Variants in SNRPB observed in about 807,000 individuals in gnomAD.
SNRPB encodes the protein small nuclear ribonucleoprotein polypeptides B and B1.
SNRPB carries 5 observed loss-of-function variants against 26.6 expected under a neutral mutation model. The ratio of observed to expected loss-of-function variants is 0.19; its 90% confidence interval spans 0.10 to 0.39. The LOEUF is 0.39. SNRPB is among the 10% of genes least tolerant of loss of function. The pLI is 1.00. For synonymous variants in SNRPB, 122 were observed against 105.8 expected (o/e 1.15, Z -0.94); for missense variants, 211 against 311.9 (o/e 0.68, Z 2.44).
intron 3 of SNRPB, among the ~76,000 whole-genome samples, chr20:2,464,888 A>C (rs999942756): frequency 1.3e-3 from 13 of 10,132 alleles, no homozygotes; most frequent in East Asian, 0.12. Flanking sequence ...AAAAAAAAAA[A>C]AAAAAAACCC....
rs770865345 is a variant in SNRPB at position 2,463,200 on chromosome 20, C to T, written c.448G>A (p.Val150Ile). 6.2e-7 allele frequency: 1 copy of T among 1,613,112 alleles called. No individual in the cohort carries two copies. Among genetic ancestry groups the T allele is most frequent in the African/African-American group, 1.3e-5 (1 of 74,930 alleles). Residue 150 changes from valine to isoleucine, a missense_variant, in exon 5 of 7, where the codon GTT (valine) becomes ATT (isoleucine). Coordinates refer to ENST00000381342, the MANE Select transcript of SNRPB (RefSeq NM_003091.4). The surrounding 1 kb of genome is among the most constrained non-coding windows in gnomAD (Gnocchi z 5.0). ...QVMTPQGRGT[V>I]AAAAAAATAS... ...GTGGCAGCAGCTGCAGCGGCTGCAA[C>T]AGTACCTCTTCCTTGTGGGGTCATC...
Position 2,463,892 on chromosome 20 carries a change from A to G in SNRPB, c.275T>C (p.Ile92Thr), listed in dbSNP as rs1271619352. 6.2e-7 allele frequency: 1 copy of G among 1,613,160 alleles called. No individual in the cohort carries two copies. The highest frequency in any genetic ancestry group is 8.5e-7 in the Non-Finnish European group (1 of 1,179,486). ...VEGPPPKDTG[I>T]ARVPLAGAAG... ...AGCTCCAGCAAGTGGAACTCGAGCA[A>G]TACCAGTCTGAAAAATAAACAAATA... The change falls in exon 4 of 7, where the codon ATT becomes ACT. Residue 92 changes from isoleucine (I) to threonine (T), a missense_variant. Transcript: ENST00000381342. This position sits in a 1 kb window ranked among gnomAD's most constrained non-coding sequence, Gnocchi z 5.0.
In SNRPB at chr20:2,463,463, C is replaced by A. The variant is rs1360269302; in HGVS notation, c.421-236G>T. Among the ~76,000 whole-genome samples the A allele has an allele frequency of 1.3e-5, 2 of 152,224 alleles. No homozygotes were observed. The highest frequency in any genetic ancestry group is 2.9e-5 in the Non-Finnish European group (2 of 68,030). ...CATGTCCAATCCAAGTGAGAGAAGG[C>A]AACTGCATTTTCAAATATGACTCAT... On this transcript the variant is annotated intron_variant, in intron 4 of 6. Coordinates refer to ENST00000381342, the MANE Select transcript of SNRPB (RefSeq NM_003091.4). This position sits in a 1 kb window ranked among gnomAD's most constrained non-coding sequence, Gnocchi z 5.0.
intron 6 of SNRPB, 46 bp downstream of exon 6, chr20:2,462,590 C>G (rs750101513): frequency 6.4e-7 from 1 of 1,566,812 alleles, no homozygotes; most frequent in Non-Finnish European, 8.8e-7. Context: ...TCCTATCCCA[C>G]TAGGCTCTAG....
intron 3 of SNRPB, among the ~76,000 whole-genome samples, chr20:2,465,388 CTCTTTTTTTTTTTTTTG>C (rs2085065212): frequency 1.5e-5 from 2 of 134,852 alleles, no homozygotes; most frequent in South Asian, 2.3e-4. Context: ...GCAGGGTAAC[CTCTTTTTTTTTTTTTTG>C]TCTTTTTTTT....
chr20:2,465,390 C>CTTTTAT (rs2085065282), intron 3 of SNRPB, among the ~76,000 whole-genome samples: 1 of 122,296 alleles, frequency 8.2e-6, no homozygotes, highest in African/African-American at 3.0e-5. Flanking sequence ...AGGGTAACCT[C>CTTTTAT]TTTTTTTTTT....
At chr20:2,469,619 G>A (rs910723457) in intron 1 of SNRPB, among the ~76,000 whole-genome samples, 7 of 152,198 alleles carry the variant, frequency 4.6e-5, no homozygotes, top group Non-Finnish European at 7.3e-5. Context: ...CTTGAACCCG[G>A]GAGGTGGAGT....
intron 6 of SNRPB, 161 bp downstream of exon 6, chr20:2,462,475 G>A: frequency 1.3e-6 from 1 of 741,190 alleles, no homozygotes; most frequent in Non-Finnish European, 2.4e-6. Flanking sequence ...GGGGAGGTAA[G>A]CCCAATTTAA....
chr20:2,462,271 G>C (rs1464124205), intron 6 of SNRPB, among the ~76,000 whole-genome samples: 1 of 150,854 alleles, frequency 6.6e-6, no homozygotes, highest in Non-Finnish European at 1.5e-5. Flanking sequence ...TGAAGTTAAA[G>C]AGAAATCCAT....
At position 2,461,739 on chromosome 20, in the gene SNRPB, GGAGGGCCAAGAT is replaced by G. The variant is rs777853644; in HGVS notation, c.*178_*189del. The G allele has an allele frequency of 1.9e-6, 3 of 1,574,384 alleles. No individual in the cohort carries two copies. The African/African-American group carries it at 4.1e-5, about 21-fold the overall frequency. The stretch of plus-strand genomic sequence containing the variant: ...TTACGGGAAACAGGCAGGGAGCTGA[GGAGGGCCAAGAT>G]GAGTCTAGGGCCTTGGTGGGCGCAT... On this transcript the variant is annotated 3_prime_UTR_variant, in exon 7 of 7. Coordinates refer to ENST00000381342, the MANE Select transcript of SNRPB (RefSeq NM_003091.4).
At chr20:2,467,577 A>C (rs1307268107) in intron 2 of SNRPB, 30 bp downstream of exon 2, 1 of 1,606,144 alleles carries the variant, frequency 6.2e-7, no homozygotes, top group Admixed American at 1.7e-5. Flanking sequence ...CCCATCCTCC[A>C]GTCTCCGCCC....
chr20:2,464,328 C>A (rs1180773310), intron 3 of SNRPB, among the ~76,000 whole-genome samples: 4 of 152,200 alleles, frequency 2.6e-5, no homozygotes, highest in Admixed American at 2.6e-4. Flanking sequence ...GGTTATGGTA[C>A]AACTGGTTGT....
Position 2,463,783 on chromosome 20 carries a change from A to G in SNRPB, c.384T>C (p.Ala128=), listed in dbSNP as rs2085052402. 2.5e-6 allele frequency: 4 copies of G among 1,609,660 alleles called. No homozygotes were observed. The highest frequency in any genetic ancestry group is 3.4e-6 in the Non-Finnish European group (4 of 1,178,432). Reference sequence around the variant, plus strand: ...GCCCGCCAACCCCACGGACTGGCCCAGCAAGTCCTGCAGGAGCCTGGGGCA... The same window carrying G: ...GCCCGCCAACCCCACGGACTGGCCCGGCAAGTCCTGCAGGAGCCTGGGGCA... ...VPMPQAPAGL[A]GPVRGVGGPS... The change falls in exon 4 of 7, where the codon GCT becomes GCC. Residue 128 remains alanine, a synonymous_variant. Coordinates refer to ENST00000381342, the MANE Select transcript of SNRPB (RefSeq NM_003091.4). The surrounding 1 kb of genome is among the most constrained non-coding windows in gnomAD (Gnocchi z 5.0).
intron 3 of SNRPB, among the ~76,000 whole-genome samples, chr20:2,464,523 T>C (rs1370512385): frequency 1.3e-5 from 2 of 152,202 alleles, no homozygotes; most frequent in Non-Finnish European, 2.9e-5. Flanking sequence ...GATAAACTAC[T>C]CTGTACTCAT....
chr20:2,467,978 G>A (rs1171805960), intron 1 of SNRPB, among the ~76,000 whole-genome samples: 2 of 152,158 alleles, frequency 1.3e-5, no homozygotes, highest in Non-Finnish European at 2.9e-5. Flanking sequence ...CTCTTCCCTT[G>A]AAATCGGTCT....
In SNRPB at chr20:2,470,759, G is replaced by A. The variant is rs2085109461; in HGVS notation, c.-69C>T. ...TCAGAGGCCTAGCCTCTCTCCCACA[G>A]CCGATTTCCCGCCGCCGCTACCGGA... On this transcript the variant is annotated 5_prime_UTR_variant, in exon 1 of 7. Coordinates refer to ENST00000381342, the MANE Select transcript of SNRPB (RefSeq NM_003091.4). 3 of 1,590,728 alleles carry A rather than the reference G, an allele frequency of 1.9e-6. No homozygotes were observed. Among genetic ancestry groups the A allele is most frequent in the Non-Finnish European group, 2.6e-6 (3 of 1,163,182 alleles).
Position 2,463,077 on chromosome 20 carries a change from T to G in SNRPB, c.559+12A>C. 1.3e-6 allele frequency: 2 copies of G among 1,538,104 alleles called. No homozygotes were observed. Among genetic ancestry groups the G allele is most frequent in the East Asian group, 4.6e-5 (2 of 43,452 alleles). On this transcript the variant is annotated intron_variant, in intron 5 of 6. Coordinates refer to ENST00000381342, the MANE Select transcript of SNRPB (RefSeq NM_003091.4). The surrounding 1 kb of genome is among the most constrained non-coding windows in gnomAD (Gnocchi z 5.0). ...CTATCAATTAGCACTGGTCTCCTTA[T>G]GGGCTCCTCACCTGGAGGGGGTGCT...
At chr20:2,464,425 T>TCA (rs1171020112) in intron 3 of SNRPB, among the ~76,000 whole-genome samples, 1 of 152,232 alleles carries the variant, frequency 6.6e-6, no homozygotes, top group Non-Finnish European at 1.5e-5. Context: ...TACATGGACT[T>TCA]TGAACCAAGA....
At chr20:2,469,093 GC>G (rs1305113842) in intron 1 of SNRPB, among the ~76,000 whole-genome samples, 1 of 152,196 alleles carries the variant, frequency 6.6e-6, no homozygotes, top group Non-Finnish European at 1.5e-5. Context: ...TTTACTGGGT[GC>G]TCACTGTGTA....
Sources: gnomAD v4.1 joint callset for allele counts (sites outside exome capture counted in the v4.1 genomes callset) on GRCh38, gnomAD v4.1.1 for gene constraint, Gnocchi (gnomAD v3.1) non-coding constraint, MANE v1.5 for transcripts, NCBI Gene and HGNC (gene_info 2026-07-23, HGNC 2026-07-21) for gene names.